Variants in SORCS2 observed in about 807,000 individuals in gnomAD.
SORCS2 encodes VPS10 domain-containing receptor SorCS2.
In SORCS2, 100 loss-of-function variants were observed where a neutral mutation model predicts 141.6. The observed-to-expected ratio is 0.71, with a 90% confidence interval of 0.60 to 0.83. The LOEUF (loss-of-function observed/expected upper bound fraction) is 0.83. Among genes scored for constraint, SORCS2 ranks in the 40% least tolerant of loss-of-function variants. The probability of loss-of-function intolerance (pLI) is 0.00; values close to 1 mark genes in which losing one functional copy is unlikely to be tolerated. For missense variants in SORCS2, 1,646 were observed against 1,560.2 expected (o/e 1.05, Z -0.93); for synonymous variants, 789 against 676.9 (o/e 1.17, Z -2.57).
At chr4:7,688,905 C>A (rs1724038765) in intron 10 of SORCS2, among the ~76,000 whole-genome samples, 1 of 152,224 alleles carries the variant, frequency 6.6e-6, no homozygotes, top group South Asian at 2.1e-4. Context: ...AGCTCTTGCA[C>A]ACTTAACCCA....
At chr4:7,614,664 C>G (rs111203704) in intron 3 of SORCS2, among the ~76,000 whole-genome samples, 1 of 151,286 alleles carries the variant, frequency 6.6e-6, no homozygotes, top group Non-Finnish European at 1.5e-5. Flanking sequence ...CACCCATCCA[C>G]CACCCACCCA....
chr4:7,694,974 G>A lies in SORCS2; in HGVS notation c.1592-2224G>A, dbSNP rs552912223. Among the ~76,000 whole-genome samples the A allele has an allele frequency of 1.1e-3, 160 of 151,106 alleles. 4 individuals are homozygous for A. The highest frequency in any genetic ancestry group is 0.01 in the Admixed American group (157 of 15,180). ...TTGAGGCTCTCCTCACAGGTCCACC[G>A]TCCTGGCTCTGTGTTCACCTGCACG... On this transcript the variant is annotated intron_variant, in intron 11 of 26. Coordinates refer to ENST00000507866, the MANE Select transcript of SORCS2 (RefSeq NM_020777.3).
intron 2 of SORCS2, among the ~76,000 whole-genome samples, chr4:7,443,917 C>T (rs1484403819): frequency 1.3e-5 from 2 of 152,198 alleles, no homozygotes; most frequent in Non-Finnish European, 2.9e-5. Context: ...GCCTGGCTGC[C>T]GCTGCTGGCC....
Position 7,192,754 on chromosome 4 carries a change from C to CCTGCTG in SORCS2, c.124_129dup (p.Leu42_Leu43dup), listed in dbSNP as rs544508254. ...CGCGCTCGCCGCGCTCGCGGCCGCT[C>CCTGCTG]CTGCTGCTGCTGCTGCTGCTGGGCG... is the stretch of plus-strand genomic sequence containing the variant. On this transcript the variant is annotated inframe_insertion, in exon 1 of 27. Coordinates refer to ENST00000507866, the MANE Select transcript of SORCS2 (RefSeq NM_020777.3). This position sits in a 1 kb window ranked among gnomAD's most constrained non-coding sequence, Gnocchi z 4.0. The CCTGCTG allele has an allele frequency of 4.7e-5, 47 of 998,894 alleles. No individual in the cohort carries two copies. Among genetic ancestry groups the CCTGCTG allele is most frequent in the Middle Eastern group, 1.0e-3 (2 of 1,988 alleles). 61.9% of individuals were successfully genotyped at this position (998,894 alleles called of 1,614,324 possible).
chr4:7,612,878 G>A (rs1001180976), intron 3 of SORCS2, among the ~76,000 whole-genome samples: 3 of 86,944 alleles, frequency 3.5e-5, no homozygotes, highest in Non-Finnish European at 8.4e-5. Flanking sequence ...GGAGGGGACA[G>A]GTAGTGGGAG....
At position 7,411,298 on chromosome 4, in the gene SORCS2, G is replaced by A. The variant is rs1397881066; in HGVS notation, c.548+14943G>A. On this transcript the variant is annotated intron_variant, in intron 2 of 26. Coordinates refer to ENST00000507866, the MANE Select transcript of SORCS2 (RefSeq NM_020777.3). ...TTAATACCTGCCCTCCCTTGGGTCC[G>A]GGCTCCAGGGACCCCTCTGTCACTG... Among the ~76,000 whole-genome samples the A allele has an allele frequency of 2.6e-5, 4 of 151,862 alleles. No homozygotes were observed. The East Asian group carries it at 7.7e-4, about 29-fold the overall frequency.
chr4:7,629,669 G>A (rs992383003), intron 3 of SORCS2, among the ~76,000 whole-genome samples: 1 of 150,872 alleles, frequency 6.6e-6, no homozygotes, highest in African/African-American at 2.4e-5. Context: ...GTTCCTTTCC[G>A]GCACCCCCAG....
At chr4:7,712,646 C>T in intron 14 of SORCS2, 87 bp from the exon 15 acceptor site, 1 of 1,563,912 alleles carries the variant, frequency 6.4e-7, no homozygotes, top group Non-Finnish European at 8.7e-7. Context: ...CAGGTAGGAA[C>T]AGAGTCCAGA....
At chr4:7,619,083 G>A (rs79735697) in intron 3 of SORCS2, among the ~76,000 whole-genome samples, 2,787 of 152,264 alleles carry the variant, frequency 0.018, 76 homozygotes, top group African/African-American at 0.063. Context: ...CCTGTGCTAC[G>A]TGTCTCTGGG....
At chr4:7,593,524 C>T (rs1207938115) in intron 3 of SORCS2, among the ~76,000 whole-genome samples, 1 of 152,190 alleles carries the variant, frequency 6.6e-6, no homozygotes, top group Non-Finnish European at 1.5e-5. Context: ...GGCCCTTCCT[C>T]CCCTGTCCCC....
intron 1 of SORCS2, among the ~76,000 whole-genome samples, chr4:7,345,934 ACTT>A (rs1455095793): frequency 6.6e-6 from 1 of 151,972 alleles, no homozygotes; most frequent in African/African-American, 2.4e-5. Flanking sequence ...TCTCTGGCCA[ACTT>A]CTTCTCTTCC....
chr4:7,408,875 C>G (rs1293145113), intron 2 of SORCS2, among the ~76,000 whole-genome samples: 7 of 151,924 alleles, frequency 4.6e-5, no homozygotes, highest in Non-Finnish European at 1.5e-5. Context: ...TCTGCTTGAC[C>G]CATTCTGCTG....
In SORCS2 at chr4:7,667,199, T is replaced by C. The variant is rs146060545; in HGVS notation, c.1147T>C (p.Tyr383His). Reference protein sequence around the residue: ...NEFVLMKLPKYALPKDLQIIS... With the variant: ...NEFVLMKLPKHALPKDLQIIS... ...ATTTGTCCTGATGAAGCTGCCGAAG[T>C]ATGCATTGCCAAAGGTAAGGTGCTC... Residue 383 changes from tyrosine to histidine, a missense_variant, in exon 8 of 27, where the codon TAT becomes CAT. By Grantham distance (83) the Tyr-to-His change is moderately conservative (BLOSUM62 2). Coordinates refer to ENST00000507866, the MANE Select transcript of SORCS2 (RefSeq NM_020777.3). 4.2e-5 allele frequency: 67 copies of C among 1,613,832 alleles called. No individual in the cohort carries two copies. The highest frequency in any genetic ancestry group is 5.3e-5 in the Non-Finnish European group (62 of 1,179,738).
intron 2 of SORCS2, among the ~76,000 whole-genome samples, chr4:7,404,720 A>G (rs1370880830): frequency 6.6e-6 from 1 of 151,538 alleles, no homozygotes; most frequent in Non-Finnish European, 1.5e-5. Context: ...GTTGTTGTTG[A>G]GTTGTTTGAG....
At chr4:7,444,182 T>C (rs973587494) in intron 2 of SORCS2, among the ~76,000 whole-genome samples, 1 of 152,268 alleles carries the variant, frequency 6.6e-6, no homozygotes. Flanking sequence ...AAGAGCCTAC[T>C]ATGTGCTGAG....
At chr4:7,321,186 CAT>C (rs1718870989) in intron 1 of SORCS2, among the ~76,000 whole-genome samples, 1 of 152,162 alleles carries the variant, frequency 6.6e-6, no homozygotes, top group Non-Finnish European at 1.5e-5. Context: ...TAAGTGAGAA[CAT>C]AGAGTATTTG....
chr4:7,512,634 G>A (rs1732735364), intron 2 of SORCS2, among the ~76,000 whole-genome samples: 1 of 152,008 alleles, frequency 6.6e-6, no homozygotes, highest in Non-Finnish European at 1.5e-5. Context: ...CAACAGGCAG[G>A]ACAGCAGAGA....
At chr4:7,498,106 C>T (rs1187013061) in intron 2 of SORCS2, among the ~76,000 whole-genome samples, 5 of 152,210 alleles carry the variant, frequency 3.3e-5, no homozygotes, top group Non-Finnish European at 7.3e-5. Flanking sequence ...AATGGCTGCC[C>T]TTCCACTGGG....
At chr4:7,509,094 A>G (rs1310437695) in intron 2 of SORCS2, among the ~76,000 whole-genome samples, 3 of 152,224 alleles carry the variant, frequency 2.0e-5, no homozygotes, top group Non-Finnish European at 4.4e-5. Flanking sequence ...ACAGGAGATC[A>G]GTACCTGCTT....
Sources: allele counts gnomAD v4.1 joint callset (sites outside exome capture counted in the v4.1 genomes callset), GRCh38; gene constraint gnomAD v4.1.1; non-coding constraint Gnocchi (gnomAD v3.1); transcripts MANE v1.5; gene names NCBI Gene and HGNC (gene_info 2026-07-23, HGNC 2026-07-21).